Variants in BRD4 observed in about 807,000 individuals in gnomAD.
BRD4 encodes the protein bromodomain-containing protein 4.
Under a neutral mutation model 142.1 loss-of-function variants are expected in BRD4, and 16 were observed. The observed-to-expected ratio is 0.11, with a 90% CI of 0.08 to 0.17. The LOEUF (loss-of-function observed/expected upper bound fraction) is 0.17. BRD4 is among the 10% of genes least tolerant of loss of function. The probability of loss-of-function intolerance (pLI) is 1.00; values close to 1 mark genes in which losing one functional copy is unlikely to be tolerated. For missense variants in BRD4, 1,424 were observed against 1,810.9 expected (o/e 0.79, Z 3.88); for synonymous variants, 833 against 707.5 (o/e 1.18, Z -2.82).
rs2145602873 is a variant in BRD4, at chr19:15,265,390, G to A, written c.813C>T (p.His271=). 6.6e-7 allele frequency: 1 copy of A among 1,523,162 alleles called. No individual in the cohort carries two copies. Among genetic ancestry groups the A allele is most frequent in the Non-Finnish European group, 8.8e-7 (1 of 1,137,682 alleles). 94.4% of individuals were successfully genotyped at this position (1,523,162 alleles called of 1,614,324 possible). A position where few individuals can be genotyped will look rare whatever the true frequency, so the allele number is the denominator to read the frequency against. ...PAPAPQPVQS[H]PPIIAATPQP... ...GTGGGGTGGCCGCGATGATGGGTGG[G>A]TGGCTCTGTACGGGCTGGGGAGCTG... Residue 271 remains histidine (H), a synonymous_variant, in exon 5 of 20, where the codon CAC becomes CAT. Transcript: ENST00000679869.
At chr19:15,318,300 TGAA>T (rs994727301) in intron 1 of BRD4, among the ~76,000 whole-genome samples, 1 of 151,336 alleles carries the variant, frequency 6.6e-6, no homozygotes, top group African/African-American at 2.4e-5. Flanking sequence ...GGCGGGGGGG[TGAA>T]GGAGTCTGTA....
At chr19:15,265,291 C>A (rs921085235) in intron 5 of BRD4, 63 bp downstream of exon 5, 8 of 1,402,516 alleles carry the variant, frequency 5.7e-6, no homozygotes, top group South Asian at 1.6e-5. Flanking sequence ...GTGTAAAGCA[C>A]GGGCAAGGAC....
Position 15,239,831 on chromosome 19 carries a change from C to T in BRD4, c.3283-10G>A, listed in dbSNP as rs1210835383. 6.2e-7 allele frequency: 1 copy of T among 1,613,774 alleles called. No homozygotes were observed. Among genetic ancestry groups the T allele is most frequent in the Admixed American group, 1.7e-5 (1 of 60,014 alleles). ...AGGCAGCACGCAGCTCCTGGGATGG[C>T]ACAGGCACAGCGGCCGGTGAGGTGG... On this transcript the variant is annotated splice_polypyrimidine_tract_variant and intron_variant, in intron 15 of 19. Transcript: ENST00000679869. The surrounding 1 kb of genome is among the most constrained non-coding windows in gnomAD (Gnocchi z 7.4).
intron 11 of BRD4, among the ~76,000 whole-genome samples, chr19:15,252,676 G>A (rs1434734740): frequency 1.3e-5 from 2 of 152,228 alleles, no homozygotes; most frequent in African/African-American, 4.8e-5. Context: ...AGAGATGAAA[G>A]GGTGAAGGAT....
intron 7 of BRD4, among the ~76,000 whole-genome samples, chr19:15,261,913 T>C (rs756841648): frequency 7.0e-5 from 10 of 143,178 alleles, no homozygotes; most frequent in Admixed American, 2.7e-4. Context: ...TAAAAAAAAG[T>C]AGAAATAAAA....
rs915501821 is a variant in BRD4 at position 15,332,418 on chromosome 19, C to G, written c.-163G>C. The G allele has an allele frequency of 6.8e-6, 1 of 146,940 alleles. No individual in the cohort carries two copies. The highest frequency in any genetic ancestry group is 2.0e-4 in the East Asian group (1 of 5,062). The allele number at this position is 146,940 out of a possible 1,614,324, so 9.1% of individuals were successfully genotyped here. ...CGAGCTCACAGGCCGCGCTCGCCCG[C>G]GGGCACCGCCGGCAGCCGCCGCAGC... On this transcript the variant is annotated 5_prime_UTR_variant, in exon 1 of 20. Coordinates refer to ENST00000679869, the MANE Select transcript of BRD4 (RefSeq NM_001379291.1).
At chr19:15,249,550 T>C (rs956189326) in intron 11 of BRD4, among the ~76,000 whole-genome samples, 4 of 152,186 alleles carry the variant, frequency 2.6e-5, no homozygotes, top group African/African-American at 9.7e-5. Flanking sequence ...GCTCAGCTTC[T>C]AGAGAGTGGC....
chr19:15,255,212 A>G, intron 10 of BRD4, 85 bp downstream of exon 10: 4 of 1,306,190 alleles, frequency 3.1e-6, no homozygotes, highest in Non-Finnish European at 4.2e-6. Context: ...GGGGGGGCGC[A>G]GAAAGAGTGG....
intron 2 of BRD4, 75 bp from the exon 3 acceptor site, chr19:15,269,117 C>T: frequency 6.4e-7 from 1 of 1,557,514 alleles, no homozygotes; most frequent in East Asian, 2.3e-5. Flanking sequence ...GCCAGGCTGG[C>T]CTGGGGACCT....
chr19:15,322,728 A>T (rs1226475232), intron 1 of BRD4, among the ~76,000 whole-genome samples: 1 of 147,888 alleles, frequency 6.8e-6, no homozygotes, highest in East Asian at 2.0e-4. Flanking sequence ...TTAGCCAGGC[A>T]TGGTGGCAGG....
In BRD4 at chr19:15,237,356, T is replaced by G. The variant is rs957242617; in HGVS notation, c.*1021A>C. The G allele has an allele frequency of 1.3e-5, 3 of 222,578 alleles. No individual in the cohort carries two copies. The highest frequency in any genetic ancestry group is 5.8e-5 in the Admixed American group (1 of 17,346). The allele number at this position is 222,578 out of a possible 1,614,324, so 13.8% of individuals were successfully genotyped here. ...GAGTAAAATATAGGCAGGATTTTTT[T>G]TGTGTGTTTTGTCTTTTTGTGGATT... On this transcript the variant is annotated 3_prime_UTR_variant, in exon 20 of 20. Transcript: ENST00000679869.
chr19:15,266,194 C>T (rs186596993), intron 4 of BRD4, among the ~76,000 whole-genome samples: 5 of 152,296 alleles, frequency 3.3e-5, no homozygotes, highest in African/African-American at 7.2e-5. Flanking sequence ...ACAATGGTCA[C>T]GTGGCACACC....
At chr19:15,249,136 C>G (rs189968090) in intron 11 of BRD4, 19 of 1,411,190 alleles carry the variant, frequency 1.3e-5, no homozygotes, top group Non-Finnish European at 1.6e-5. Flanking sequence ...TAATCCACCC[C>G]GGGGGACAGG....
intron 11 of BRD4, chr19:15,253,526 A>C (rs1440701162): frequency 3.3e-6 from 5 of 1,528,466 alleles, no homozygotes; most frequent in Middle Eastern, 1.7e-4. Flanking sequence ...AGGGACACGC[A>C]AGTCCAGGTG....
chr19:15,322,697 CAAAAAA>C (rs78397797), intron 1 of BRD4, among the ~76,000 whole-genome samples: 150 of 92,266 alleles, frequency 1.6e-3, no homozygotes, highest in African/African-American at 5.7e-3. Flanking sequence ...CTAAAAAATA[CAAAAAA>C]AAAAAAAAAA....
chr19:15,285,807 A>G (rs1412318713), intron 1 of BRD4, among the ~76,000 whole-genome samples: 1 of 152,258 alleles, frequency 6.6e-6, no homozygotes, highest in Non-Finnish European at 1.5e-5. Flanking sequence ...AAGGGAAAAA[A>G]TACTTTAAGG....
chr19:15,285,679 G>T (rs956525043), intron 1 of BRD4, among the ~76,000 whole-genome samples: 1 of 152,204 alleles, frequency 6.6e-6, no homozygotes, highest in Non-Finnish European at 1.5e-5. Context: ...GCACATCCCT[G>T]AGTAGAAAAG....
chr19:15,330,246 T>C (rs546709969), intron 1 of BRD4, among the ~76,000 whole-genome samples: 42 of 152,298 alleles, frequency 2.8e-4, no homozygotes, highest in African/African-American at 9.9e-4. Flanking sequence ...AGATACTATG[T>C]TTCCTACCAA....
At chr19:15,277,357 G>C (rs546347017) in intron 1 of BRD4, among the ~76,000 whole-genome samples, 32 of 152,274 alleles carry the variant, frequency 2.1e-4, no homozygotes, top group African/African-American at 7.7e-4. Context: ...AGGTGCCTTG[G>C]GGATGTCATG....
Sources: gnomAD v4.1 joint callset for allele counts (sites outside exome capture counted in the v4.1 genomes callset) on GRCh38, gnomAD v4.1.1 for gene constraint, Gnocchi (gnomAD v3.1) non-coding constraint, MANE v1.5 for transcripts, NCBI Gene and HGNC (gene_info 2026-07-23, HGNC 2026-07-21) for gene names.